DNAAF11: variants seen among roughly 807,000 people sequenced by gnomAD.
DNAAF11 encodes dynein axonemal assembly factor 11.
Under a neutral mutation model 60.8 loss-of-function variants are expected in DNAAF11, and 45 were observed. The ratio of observed to expected loss-of-function variants is 0.74; its 90% CI spans 0.58 to 0.95. The LOEUF is 0.95. DNAAF11 is among the 40% of genes least tolerant of loss of function. The pLI is 0.00. For missense variants in DNAAF11, 546 were observed against 546.2 expected (o/e 1.00, Z 0.00); for synonymous variants, 191 against 183.5 (o/e 1.04, Z -0.33).
intron 1 of DNAAF11, among the ~76,000 whole-genome samples, chr8:132,665,410 T>C (rs1367182348): frequency 6.6e-6 from 1 of 152,044 alleles, no homozygotes; most frequent in African/African-American, 2.4e-5. Context: ...CCAAATAATA[T>C]AGCACTGCAA....
Position 132,573,462 on chromosome 8 carries a change from T to C in DNAAF11, c.1227-982A>G, listed in dbSNP as rs142547216. ...ACACTCTCATACACCTGTTTCATTC[T>C]TTGTCTGTTTTCATACAATACTGGT... On this transcript the variant is annotated intron_variant, in intron 11 of 11. Transcript: ENST00000620350. 1.6e-3 allele frequency among the ~76,000 whole-genome samples: 243 copies of C among 152,364 alleles called. 1 individual carries two copies. The highest frequency in any genetic ancestry group is 0.012 in the South Asian group (57 of 4,830).
At chr8:132,598,989 GT>G (rs1563999139) in intron 10 of DNAAF11, among the ~76,000 whole-genome samples, 1 of 152,096 alleles carries the variant, frequency 6.6e-6, no homozygotes, top group Non-Finnish European at 1.5e-5. Context: ...CCAGGAGCTG[GT>G]TTTTTGAAAA....
upstream of DNAAF11, among the ~76,000 whole-genome samples, chr8:132,679,019 C>T (rs1454879190): frequency 6.6e-6 from 1 of 152,044 alleles, no homozygotes; most frequent in Non-Finnish European, 1.5e-5. Context: ...CTCAACACTG[C>T]CCATGTACTT....
At chr8:132,679,578 G>C (rs1825835575), upstream of DNAAF11, among the ~76,000 whole-genome samples, 1 of 152,206 alleles carries the variant, frequency 6.6e-6, no homozygotes, top group Non-Finnish European at 1.5e-5. Context: ...CTCTGGTGGA[G>C]CAGTGTTTGG....
rs186944234 is a variant in DNAAF11, at chr8:132,580,196, C to T, written c.1226+3498G>A. On this transcript the variant is annotated intron_variant, in intron 11 of 11. Coordinates refer to ENST00000620350, the MANE Select transcript of DNAAF11 (RefSeq NM_012472.6). ...CCTAGTAAAAGATGGAAAACTGGAA[C>T]GCTTCCCTCTGGACTTAGCAGAACA... is the stretch of plus-strand genomic sequence containing the variant. 5.3e-5 allele frequency among the ~76,000 whole-genome samples: 8 copies of T among 152,276 alleles called. No homozygotes were observed. The East Asian group carries it at 5.8e-4, about 11-fold the overall frequency.
chr8:132,696,870 C>A, the DNAAF11 span, among the ~76,000 whole-genome samples: 1 of 152,058 alleles, frequency 6.6e-6, no homozygotes. Flanking sequence ...AGGGGAACAG[C>A]AGACACTGAG....
intron 10 of DNAAF11, among the ~76,000 whole-genome samples, chr8:132,588,676 G>GT (rs1816155360): frequency 6.6e-6 from 1 of 152,064 alleles, no homozygotes; most frequent in Non-Finnish European, 1.5e-5. Context: ...ATCAAATAAG[G>GT]TATTTTAATC....
chr8:132,572,710 G>A (rs1366424137), intron 11 of DNAAF11, among the ~76,000 whole-genome samples: 1 of 151,952 alleles, frequency 6.6e-6, no homozygotes, highest in Non-Finnish European at 1.5e-5. Flanking sequence ...AAGTCACTGG[G>A]TTTCTACTAA....
intron 2 of DNAAF11, among the ~76,000 whole-genome samples, chr8:132,659,492 T>G (rs1385165026): frequency 6.6e-6 from 1 of 152,198 alleles, no homozygotes; most frequent in Non-Finnish European, 1.5e-5. Context: ...TGGACCCAGC[T>G]GTGGAGATTA....
upstream of DNAAF11, chr8:132,675,646 C>G: frequency 1.4e-6 from 1 of 694,556 alleles, no homozygotes. Context: ...CAAAACAAGC[C>G]GCGTTTCCTG....
the DNAAF11 span, among the ~76,000 whole-genome samples, chr8:132,688,884 G>A: frequency 2.0e-5 from 3 of 152,214 alleles, no homozygotes; most frequent in Non-Finnish European, 4.4e-5. Context: ...AATCACTTAC[G>A]TTAAAAATAC....
At chr8:132,689,157 T>C in the DNAAF11 span, among the ~76,000 whole-genome samples, 1 of 152,226 alleles carries the variant, frequency 6.6e-6, no homozygotes, top group East Asian at 1.9e-4. Flanking sequence ...CTCCAACTGA[T>C]GAGTTGTAGA....
At chr8:132,675,388 C>A in intron 1 of DNAAF11, 96 bp downstream of exon 1, 1 of 1,383,112 alleles carries the variant, frequency 7.2e-7, no homozygotes, top group South Asian at 1.4e-5. Flanking sequence ...GGGGAACCGA[C>A]AGCGCAGGGC....
chr8:132,698,809 C>T, the DNAAF11 span, among the ~76,000 whole-genome samples: 9 of 152,018 alleles, frequency 5.9e-5, no homozygotes, highest in Admixed American at 1.3e-4. Context: ...TGACTGGGCA[C>T]GATGGTGCAC....
intron 1 of DNAAF11, among the ~76,000 whole-genome samples, chr8:132,670,742 TA>T (rs951352705): frequency 2.0e-5 from 3 of 151,958 alleles, no homozygotes; most frequent in Non-Finnish European, 2.9e-5. Context: ...TCCAACAACA[TA>T]ATAAAAAAAT....
At chr8:132,688,400 T>A in the DNAAF11 span, among the ~76,000 whole-genome samples, 144 of 152,242 alleles carry the variant, frequency 9.5e-4, 1 homozygote, top group Admixed American at 3.9e-3. Context: ...GAGCTTTCCC[T>A]CTACTCTCCA....
intron 3 of DNAAF11, among the ~76,000 whole-genome samples, chr8:132,656,180 T>A (rs1823553876): frequency 6.6e-6 from 1 of 152,090 alleles, no homozygotes; most frequent in African/African-American, 2.4e-5. Flanking sequence ...CTTTCCTGGA[T>A]ATCAAAAAAG....
intron 4 of DNAAF11, among the ~76,000 whole-genome samples, chr8:132,634,581 T>A (rs1240419116): frequency 6.6e-6 from 1 of 151,856 alleles, no homozygotes; most frequent in Non-Finnish European, 1.5e-5. Context: ...TGGGATCAAA[T>A]CAATTTGGAA....
intron 5 of DNAAF11, among the ~76,000 whole-genome samples, chr8:132,630,220 A>T (rs1266720299): frequency 1.3e-5 from 2 of 152,216 alleles, no homozygotes; most frequent in Non-Finnish European, 2.9e-5. Flanking sequence ...TCTCCTACCA[A>T]ATATCAAGAT....
Sources: gnomAD v4.1 joint callset for allele counts (sites outside exome capture counted in the v4.1 genomes callset) on GRCh38, gnomAD v4.1.1 for gene constraint, MANE v1.5 for transcripts, NCBI Gene and HGNC (gene_info 2026-07-23, HGNC 2026-07-21) for gene names.